Variants in CTNNA2 observed in about 807,000 individuals in gnomAD.
CTNNA2 encodes catenin alpha 2.
CTNNA2 carries 42 observed loss-of-function variants against 101.0 expected under a neutral mutation model. The ratio of observed to expected loss-of-function variants is 0.42; its 90% CI spans 0.32 to 0.54. The LOEUF is 0.54. Ranked by LOEUF, CTNNA2 falls within the 20% of genes least tolerant of loss-of-function variation. The pLI is 0.14. For synonymous variants in CTNNA2, 450 were observed against 456.4 expected, an observed-to-expected ratio of 0.99 and a Z score of 0.18; for missense variants, 871 against 1,223.1, an observed-to-expected ratio of 0.71 and a Z score of 4.29.
At chr2:80,091,613 C>T (rs1325523456) in intron 7 of CTNNA2, among the ~76,000 whole-genome samples, 1 of 151,980 alleles carries the variant, frequency 6.6e-6, no homozygotes, top group African/African-American at 2.4e-5. Context: ...GACAGAGTCC[C>T]GGGGACCAAG....
Position 80,374,678 on chromosome 2 carries a change from C to CGTGTGTGTGTGT in CTNNA2, c.1057-18530_1057-18529insTGTGTGTGTGTG, listed in dbSNP as rs1337506974. On this transcript the variant is annotated intron_variant, in intron 7 of 18. Coordinates refer to ENST00000402739, the MANE Select transcript of CTNNA2 (RefSeq NM_001282597.3). ...ACACTGTCTTTCCTCTGCGTGCGTG[C>CGTGTGTGTGTGT]GTGCGTGTGTGTGTGTGTGTGTGTG... Among the ~76,000 whole-genome samples, 310 of 143,180 alleles carry CGTGTGTGTGTGT rather than the reference C, an allele frequency of 2.2e-3. 2 individuals carry two copies. The highest frequency in any genetic ancestry group is 3.9e-3 in the East Asian group (18 of 4,594). The allele number at this position is 143,180 out of a possible 152,430, so 93.9% of individuals were successfully genotyped here. A position where few individuals can be genotyped will look rare whatever the true frequency, so the allele number is the denominator to read the frequency against.
intron 7 of CTNNA2, among the ~76,000 whole-genome samples, chr2:79,958,614 C>T (rs1311678039): frequency 2.0e-5 from 3 of 152,174 alleles, no homozygotes; most frequent in Non-Finnish European, 4.4e-5. Flanking sequence ...GAATGCCGGT[C>T]TCCTAACACC....
At chr2:79,281,788 G>A (rs1204457981) in intron 2 of CTNNA2, among the ~76,000 whole-genome samples, 7 of 152,178 alleles carry the variant, frequency 4.6e-5, no homozygotes, top group Non-Finnish European at 7.4e-5. Flanking sequence ...TAAAGTAATT[G>A]CAGACATATT....
chr2:79,590,521 A>G (rs1250301966), intron 1 of CTNNA2, among the ~76,000 whole-genome samples: 2 of 152,196 alleles, frequency 1.3e-5, no homozygotes, highest in African/African-American at 4.8e-5. Flanking sequence ...GGGTTAAAAA[A>G]TATCCTTCCT....
intron 1 of CTNNA2, among the ~76,000 whole-genome samples, chr2:79,630,549 A>G (rs987177348): frequency 6.6e-6 from 1 of 152,252 alleles, no homozygotes; most frequent in Non-Finnish European, 1.5e-5. Context: ...AAAAACTTTC[A>G]GTATACATAA....
At chr2:80,117,455 A>AGTGTGTGTGT (rs59521287) in intron 7 of CTNNA2, among the ~76,000 whole-genome samples, 8,134 of 145,866 alleles carry the variant, frequency 0.056, 299 homozygotes, top group East Asian at 0.16. Flanking sequence ...TTCCTGTGTG[A>AGTGTGTGTGT]GTGTGTGTGT....
At chr2:79,662,240 A>G (rs746846663) in intron 2 of CTNNA2, among the ~76,000 whole-genome samples, 73 of 152,174 alleles carry the variant, frequency 4.8e-4, no homozygotes, top group Non-Finnish European at 9.1e-4. Context: ...TTCCTATTAA[A>G]TGGTTAATGC....
chr2:80,374,678 C>CGCGTGTGT (rs1553507211), intron 7 of CTNNA2, among the ~76,000 whole-genome samples: 1 of 143,148 alleles, frequency 7.0e-6, no homozygotes, highest in East Asian at 2.2e-4. Context: ...TGCGTGCGTG[C>CGCGTGTGT]GTGCGTGTGT....
chr2:79,887,294 G>T (rs1240817855), intron 6 of CTNNA2, among the ~76,000 whole-genome samples: 1 of 152,162 alleles, frequency 6.6e-6, no homozygotes, highest in Non-Finnish European at 1.5e-5. Flanking sequence ...TACTGAGGAA[G>T]TAGAATCAAC....
intron 7 of CTNNA2, among the ~76,000 whole-genome samples, chr2:80,271,624 G>A (rs1039120633): frequency 2.6e-5 from 4 of 151,922 alleles, no homozygotes; most frequent in South Asian, 2.1e-4. Flanking sequence ...GGGTTTCACC[G>A]TGTTAGCCAG....
chr2:79,520,424 G>C (rs1281504853), intron 1 of CTNNA2, among the ~76,000 whole-genome samples: 2 of 152,152 alleles, frequency 1.3e-5, no homozygotes, highest in African/African-American at 4.8e-5. Context: ...AAATATAGGA[G>C]ATAATCTGTG....
intron 3 of CTNNA2, among the ~76,000 whole-genome samples, chr2:79,791,235 C>G (rs1022715124): frequency 6.6e-6 from 1 of 152,086 alleles, no homozygotes; most frequent in Non-Finnish European, 1.5e-5. Flanking sequence ...GAGATGTTAA[C>G]AGAGTGGGAG....
intron 7 of CTNNA2, among the ~76,000 whole-genome samples, chr2:80,273,837 T>A (rs966363188): frequency 1.3e-5 from 2 of 152,126 alleles, no homozygotes; most frequent in African/African-American, 4.8e-5. Context: ...GCTACCTTTT[T>A]TCTGCCTGGC....
chr2:80,572,364 T>C (rs1694675035), intron 12 of CTNNA2, among the ~76,000 whole-genome samples: 1 of 152,216 alleles, frequency 6.6e-6, no homozygotes, highest in Non-Finnish European at 1.5e-5. Flanking sequence ...GATTAGTCTA[T>C]TTATTTTATA....
chr2:79,353,829 A>G (rs377493622), intron 3 of CTNNA2, among the ~76,000 whole-genome samples: 3 of 151,746 alleles, frequency 2.0e-5, no homozygotes, highest in African/African-American at 4.8e-5. Flanking sequence ...CATGTTTAGC[A>G]CTCCCTTAAG....
intron 7 of CTNNA2, among the ~76,000 whole-genome samples, chr2:80,265,058 T>G (rs1467614074): frequency 2.0e-5 from 3 of 149,334 alleles, no homozygotes; most frequent in Non-Finnish European, 3.0e-5. Flanking sequence ...CACTGCAACC[T>G]CCGCCTCCTG....
rs565085178 is a variant in CTNNA2 at position 79,309,383 on chromosome 2, A to G, written c.-405-3326A>G. ...TAAAAATCTCAATTGGCTTTATTAC[A>G]ATTCTAGAATTGGGTATCAGTTCAT... On this transcript the variant is annotated intron_variant, in intron 2 of 21. Coordinates refer to the CTNNA2 transcript ENST00000466387. 3.3e-5 allele frequency among the ~76,000 whole-genome samples: 5 copies of G among 152,304 alleles called. No individual in the cohort carries two copies. The South Asian group carries it at 1.0e-3, about 32-fold the overall frequency.
chr2:79,442,947 C>A (rs1045912580), intron 4 of CTNNA2, among the ~76,000 whole-genome samples: 5 of 152,090 alleles, frequency 3.3e-5, no homozygotes, highest in African/African-American at 1.2e-4. Flanking sequence ...AAAACTGGCA[C>A]AACTCTTCAC....
chr2:79,988,678 A>C lies in CTNNA2; in HGVS notation c.1056+78881A>C, dbSNP rs368256755. On this transcript the variant is annotated intron_variant, in intron 7 of 18. Transcript: ENST00000402739. ...GAAAGTAACTTCCCACAGTTGCCAG[A>C]GTTGGAATTCTAAGGTTCATGCATT... Among the ~76,000 whole-genome samples the C allele has an allele frequency of 2.6e-5, 4 of 152,338 alleles. No homozygotes were observed. The East Asian group carries it at 7.7e-4, about 29-fold the overall frequency.
Sources: gnomAD v4.1 joint callset for allele counts (sites outside exome capture counted in the v4.1 genomes callset) on GRCh38, gnomAD v4.1.1 for gene constraint, MANE v1.5 for transcripts, NCBI Gene and HGNC (gene_info 2026-07-23, HGNC 2026-07-21) for gene names.